The following RORA variants were observed in gnomAD, a reference collection of about 807,000 sequenced individuals.
The protein encoded by RORA is nuclear receptor ROR-alpha.
A neutral mutation model predicts 69.5 loss-of-function variants in RORA; 7 were observed. The ratio of observed to expected loss-of-function variants is 0.10; its 90% CI spans 0.06 to 0.19. RORA has a LOEUF of 0.19. Among genes scored for constraint, RORA ranks in the 10% least tolerant of loss-of-function variants. The pLI is 1.00. For synonymous variants in RORA, 261 were observed against 240.8 expected, an observed-to-expected ratio of 1.08 and a Z score of -0.78; for missense variants, 457 against 663.0, an observed-to-expected ratio of 0.69 and a Z score of 3.41.
chr15:60,960,250 C>G (rs1015055664), intron 1 of RORA, among the ~76,000 whole-genome samples: 10 of 152,142 alleles, frequency 6.6e-5, no homozygotes, highest in African/African-American at 2.4e-4. Context: ...ATCATAAAAT[C>G]ATTAGCTTAC....
intron 1 of RORA, among the ~76,000 whole-genome samples, chr15:61,043,125 A>T (rs1317418372): frequency 1.3e-5 from 2 of 152,216 alleles, no homozygotes; most frequent in Non-Finnish European, 2.9e-5. Context: ...ATGCTATCTC[A>T]GCCCTAGGTG....
At chr15:61,025,052 C>T (rs537909031) in intron 1 of RORA, among the ~76,000 whole-genome samples, 2 of 152,218 alleles carry the variant, frequency 1.3e-5, no homozygotes, top group South Asian at 2.1e-4. Context: ...TTTAAGATCT[C>T]CGAAGTTTTA....
intron 1 of RORA, among the ~76,000 whole-genome samples, chr15:60,992,927 G>T (rs994490700): frequency 2.0e-5 from 3 of 152,108 alleles, no homozygotes; most frequent in African/African-American, 7.2e-5. Flanking sequence ...AAGTGCTTCA[G>T]CATGAAACTA....
rs144359843 is a variant in RORA, at chr15:60,960,028, T to TA, written c.166+269024dup. Among the ~76,000 whole-genome samples, 280 of 152,160 alleles carry TA rather than the reference T, an allele frequency of 1.8e-3. 1 individual carries two copies. Among genetic ancestry groups the TA allele is most frequent in the African/African-American group, 6.6e-3 (274 of 41,512 alleles). On this transcript the variant is annotated intron_variant, in intron 1 of 10. Transcript: ENST00000335670. ...TGTAAAACTTTCCTTTGAAACCCCC[T>TA]AAATAAATGAAAACAGGATTTTTTT...
At chr15:60,640,278 C>A (rs1335462231) in intron 2 of RORA, among the ~76,000 whole-genome samples, 1 of 152,170 alleles carries the variant, frequency 6.6e-6, no homozygotes. Flanking sequence ...TCTCTCTTAG[C>A]AAGTCCTATT....
Position 60,717,796 on chromosome 15 carries a change from CTTTTTT to C in RORA, c.167-39116_167-39111del, listed in dbSNP as rs10653856. ...CTTCTTCTTTCTTTTTTCTTTTTCT[CTTTTTT>C]TTTTTTTTTTTTTTTGAGACATTGT... On this transcript the variant is annotated intron_variant, in intron 1 of 10. Transcript: ENST00000335670. Among the ~76,000 whole-genome samples the C allele has an allele frequency of 3.2e-4, 29 of 91,994 alleles. No individual in the cohort carries two copies. In the East Asian group the frequency reaches 7.4e-3, roughly 23 times the overall value. 60.4% of individuals were successfully genotyped at this position (91,994 alleles called of 152,430 possible).
At chr15:60,859,657 T>C (rs1414345598) in intron 1 of RORA, among the ~76,000 whole-genome samples, 1 of 142,948 alleles carries the variant, frequency 7.0e-6, no homozygotes, top group Non-Finnish European at 1.6e-5. Context: ...CTTTCTTTCT[T>C]TTTTTTTTTT....
chr15:60,711,716 G>C lies in RORA; in HGVS notation c.167-33030C>G, dbSNP rs544085849. ...TCTGTCTCTTTTGGTCCTACCTTCA[G>C]CTCAAGGGCTTAAGAAAGAAGATAT... On this transcript the variant is annotated intron_variant, in intron 1 of 10. Coordinates refer to ENST00000335670, the MANE Select transcript of RORA (RefSeq NM_134261.3). Among the ~76,000 whole-genome samples, 6 of 152,284 alleles carry C rather than the reference G, an allele frequency of 3.9e-5. No individual in the cohort carries two copies. In the East Asian group the frequency reaches 7.7e-4, roughly 20 times the overall value.
At chr15:60,841,291 C>G (rs2073194121) in intron 1 of RORA, among the ~76,000 whole-genome samples, 1 of 152,172 alleles carries the variant, frequency 6.6e-6, no homozygotes, top group African/African-American at 2.4e-5. Flanking sequence ...ACAGAGGAAT[C>G]TAGGGCTGAG....
At chr15:60,716,231 A>G (rs1252518123) in intron 1 of RORA, among the ~76,000 whole-genome samples, 5 of 152,206 alleles carry the variant, frequency 3.3e-5, no homozygotes, top group Admixed American at 3.3e-4. Context: ...TTCTCTCACT[A>G]GGGCAAGAAG....
intron 1 of RORA, among the ~76,000 whole-genome samples, chr15:60,793,961 A>T (rs2072453936): frequency 6.6e-6 from 1 of 152,162 alleles, no homozygotes. Flanking sequence ...CAGACAGTGC[A>T]CTCTAGAACG....
At chr15:61,215,138 C>A (rs548789086) in intron 1 of RORA, among the ~76,000 whole-genome samples, 1 of 151,158 alleles carries the variant, frequency 6.6e-6, no homozygotes, top group South Asian at 2.1e-4. Flanking sequence ...CCGCCTCAGC[C>A]TCCCAAAGTG....
At chr15:60,536,200 G>A (rs2066672597) in intron 2 of RORA, among the ~76,000 whole-genome samples, 1 of 152,188 alleles carries the variant, frequency 6.6e-6, no homozygotes, top group Non-Finnish European at 1.5e-5. Context: ...ATTCAAGGAT[G>A]TGATACATAA....
intron 1 of RORA, among the ~76,000 whole-genome samples, chr15:61,052,790 A>G (rs1283169103): frequency 6.6e-6 from 1 of 152,236 alleles, no homozygotes; most frequent in Non-Finnish European, 1.5e-5. Context: ...CAAAGAGACC[A>G]ACAGGGAAGA....
chr15:61,134,213 A>C lies in RORA; in HGVS notation c.166+94840T>G, dbSNP rs190793241. 3.3e-3 allele frequency among the ~76,000 whole-genome samples: 507 copies of C among 152,322 alleles called. 8 individuals carry two copies. Among genetic ancestry groups the C allele is most frequent in the Non-Finnish European group, 1.4e-3 (92 of 68,030 alleles). ...GAATTGGCTTGGCCAAGCCAGCCTG[A>C]AAGTGCAGAATGGTCTGCCGGCTTA... On this transcript the variant is annotated intron_variant, in intron 1 of 10. Coordinates refer to ENST00000335670, the MANE Select transcript of RORA (RefSeq NM_134261.3).
At chr15:61,162,636 C>T (rs1350027816) in intron 1 of RORA, among the ~76,000 whole-genome samples, 1 of 152,148 alleles carries the variant, frequency 6.6e-6, no homozygotes, top group Non-Finnish European at 1.5e-5. Flanking sequence ...CCCAAACCAG[C>T]TGCCTCTTAC....
At chr15:60,562,376 C>G (rs956867898) in intron 2 of RORA, among the ~76,000 whole-genome samples, 1 of 151,340 alleles carries the variant, frequency 6.6e-6, no homozygotes, top group African/African-American at 2.4e-5. Flanking sequence ...ACTGGGATGA[C>G]AGGCATGTGC....
At chr15:61,123,333 C>A (rs1362670832) in intron 1 of RORA, among the ~76,000 whole-genome samples, 5 of 152,108 alleles carry the variant, frequency 3.3e-5, no homozygotes, top group Non-Finnish European at 7.4e-5. Flanking sequence ...TTCGTTCATT[C>A]ACTCACAGAC....
At chr15:60,608,145 T>C (rs1253669315) in intron 2 of RORA, among the ~76,000 whole-genome samples, 1 of 152,142 alleles carries the variant, frequency 6.6e-6, no homozygotes, top group African/African-American at 2.4e-5. Flanking sequence ...TGAGATAAAT[T>C]TTCTCGGCTC....
Sources: gnomAD v4.1 joint callset for allele counts (sites outside exome capture counted in the v4.1 genomes callset) on GRCh38, gnomAD v4.1.1 for gene constraint, MANE v1.5 for transcripts, NCBI Gene and HGNC (gene_info 2026-07-23, HGNC 2026-07-21) for gene names.